The following PAMR1 variants were observed in gnomAD, a reference collection of about 807,000 sequenced individuals.
PAMR1 encodes the protein inactive serine protease PAMR1.
A neutral mutation model predicts 81.8 loss-of-function variants in PAMR1; 88 were observed. That is an observed-to-expected ratio of 1.08 (90% CI 0.91 to 1.28). PAMR1 has a LOEUF of 1.28. PAMR1 is among the 50% of genes most tolerant of loss of function. PAMR1 has a pLI of 0.00. For missense variants in PAMR1, 935 were observed against 919.7 expected, an observed-to-expected ratio of 1.02 and a Z score of -0.21; for synonymous variants, 336 against 345.3, an observed-to-expected ratio of 0.97 and a Z score of 0.30.
chr11:35,470,863 C>G (rs747563801), intron 4 of PAMR1, 45 bp from the exon 5 acceptor site: 1 of 1,381,804 alleles, frequency 7.2e-7, no homozygotes, highest in Non-Finnish European at 1.0e-6. Flanking sequence ...GGGCCCTGGA[C>G]AGTCCTGAGA....
intron 3 of PAMR1, among the ~76,000 whole-genome samples, chr11:35,490,513 A>G (rs1222406095): frequency 6.6e-6 from 1 of 152,240 alleles, no homozygotes; most frequent in Non-Finnish European, 1.5e-5. Flanking sequence ...TTTGTCAGGC[A>G]TGGTGGCATG....
intron 6 of PAMR1, among the ~76,000 whole-genome samples, chr11:35,449,119 C>T (rs562162395): frequency 5.9e-5 from 9 of 152,192 alleles, no homozygotes; most frequent in South Asian, 2.1e-4. Flanking sequence ...TCAGGAGGCA[C>T]GATCAGGGAC....
intron 7 of PAMR1, among the ~76,000 whole-genome samples, chr11:35,440,016 A>T (rs1426857137): frequency 6.6e-6 from 1 of 152,230 alleles, no homozygotes; most frequent in Non-Finnish European, 1.5e-5. Flanking sequence ...ACTTGATCAA[A>T]ATGGAATAAA....
chr11:35,486,490 T>A (rs374331471), intron 3 of PAMR1, among the ~76,000 whole-genome samples: 1 of 152,222 alleles, frequency 6.6e-6, no homozygotes, highest in Admixed American at 6.5e-5. Context: ...TTTGACTGGA[T>A]GGGTAGATTA....
At chr11:35,443,921 T>G (rs1246698907) in intron 6 of PAMR1, among the ~76,000 whole-genome samples, 1 of 152,250 alleles carries the variant, frequency 6.6e-6, no homozygotes, top group Non-Finnish European at 1.5e-5. Context: ...TAGTATCTCG[T>G]TGTGGTTATT....
At chr11:35,473,506 G>A (rs971363297) in intron 4 of PAMR1, among the ~76,000 whole-genome samples, 14 of 152,136 alleles carry the variant, frequency 9.2e-5, no homozygotes, top group African/African-American at 2.9e-4. Flanking sequence ...CTCAATGGGC[G>A]GAACAGTGTG....
chr11:35,432,686 G>A lies in PAMR1; in HGVS notation c.1833C>T (p.Gly611=). 6.2e-7 allele frequency: 1 copy of A among 1,613,514 alleles called. No individual in the cohort carries two copies. The highest frequency in any genetic ancestry group is 1.7e-4 in the Middle Eastern group (1 of 6,058). The part of the protein sequence containing the change: ...WNVLADVRSP[G]FKNDTLRSGV... ...CAGAGCGCAGTGTGTCGTTCTTGAAGCCAGGGCTCCTCACGTCTGCCAGGA... is the reference window on the plus strand; with the variant it reads ...CAGAGCGCAGTGTGTCGTTCTTGAAACCAGGGCTCCTCACGTCTGCCAGGA... Residue 611 remains glycine, a synonymous_variant, in exon 11 of 11, where the codon GGC becomes GGT. Coordinates refer to ENST00000619888, the MANE Select transcript of PAMR1 (RefSeq NM_001001991.3).
At chr11:35,516,120 C>A (rs185573631) in intron 1 of PAMR1, among the ~76,000 whole-genome samples, 1 of 152,240 alleles carries the variant, frequency 6.6e-6, no homozygotes, top group Non-Finnish European at 1.5e-5. Flanking sequence ...TGCAGTCAAC[C>A]TATGATATAG....
intron 1 of PAMR1, among the ~76,000 whole-genome samples, chr11:35,506,344 G>A (rs889642618): frequency 3.3e-5 from 5 of 151,440 alleles, no homozygotes; most frequent in Non-Finnish European, 7.4e-5. Context: ...AGTATTCTGG[G>A]GTTATCTGTG....
intron 1 of PAMR1, among the ~76,000 whole-genome samples, chr11:35,515,881 T>C (rs1208799698): frequency 6.6e-6 from 1 of 152,018 alleles, no homozygotes; most frequent in African/African-American, 2.4e-5. Context: ...ATGAATAGAA[T>C]GGGACTTTGG....
In PAMR1 at chr11:35,432,526, T is replaced by C. The variant is rs1855929283; in HGVS notation, c.1993A>G (p.Thr665Ala). Residue 665 changes from threonine to alanine, a missense_variant, in exon 11 of 11, where the codon ACA becomes GCA. Physicochemically the swap from Thr to Ala is moderately conservative, Grantham distance 58. Coordinates refer to ENST00000619888, the MANE Select transcript of PAMR1 (RefSeq NM_001001991.3). ...TAPSDICTAE[T>A]GGIAAVSFPG... ...AAGGACACAGCCGCGATGCCTCCTG[T>C]CTCTGCAGTGCAGATATCAGAAGGG... 1 of 1,614,138 alleles carries C rather than the reference T, an allele frequency of 6.2e-7. No individual in the cohort carries two copies. Among genetic ancestry groups the C allele is most frequent in the African/African-American group, 1.3e-5 (1 of 74,954 alleles).
At chr11:35,447,577 T>A (rs1166707743) in intron 6 of PAMR1, among the ~76,000 whole-genome samples, 1 of 152,202 alleles carries the variant, frequency 6.6e-6, no homozygotes, top group Non-Finnish European at 1.5e-5. Flanking sequence ...AGCACACCAA[T>A]GGGTCTTCAC....
intron 6 of PAMR1, among the ~76,000 whole-genome samples, chr11:35,450,129 C>CAAAAAAAAAAAAA (rs60887441): frequency 9.3e-5 from 4 of 43,030 alleles, no homozygotes; most frequent in Non-Finnish European, 1.5e-4. Flanking sequence ...TGCCTCCAGG[C>CAAAAAAAAAAAAA]AAAAAAAAAA....
chr11:35,517,577 T>TA (rs1247569361), intron 1 of PAMR1, among the ~76,000 whole-genome samples: 1 of 152,222 alleles, frequency 6.6e-6, no homozygotes, highest in Non-Finnish European at 1.5e-5. Context: ...TATTTCATTA[T>TA]AAAAAATGAA....
At chr11:35,522,566 G>A (rs906013755) in intron 1 of PAMR1, among the ~76,000 whole-genome samples, 3 of 152,132 alleles carry the variant, frequency 2.0e-5, no homozygotes, top group Non-Finnish European at 2.9e-5. Flanking sequence ...TTCCGTCGTA[G>A]GTGTATACTG....
intron 10 of PAMR1, 121 bp downstream of exon 10, chr11:35,434,391 C>T (rs1026483937): frequency 1.7e-5 from 15 of 903,458 alleles, no homozygotes; most frequent in African/African-American, 6.7e-5. Flanking sequence ...CTGCTATATG[C>T]GAGGCTCTGG....
intron 1 of PAMR1, among the ~76,000 whole-genome samples, chr11:35,511,577 C>T (rs1247805166): frequency 4.6e-5 from 7 of 152,182 alleles, no homozygotes; most frequent in Non-Finnish European, 1.0e-4. Flanking sequence ...ACCAAAAGCC[C>T]CACAGCTCTC....
intron 3 of PAMR1, 24 bp downstream of exon 3, chr11:35,492,015 AGAGATG>A: frequency 6.3e-7 from 1 of 1,592,012 alleles, no homozygotes; most frequent in Non-Finnish European, 8.6e-7. Context: ...AGTGTGCACT[AGAGATG>A]GAGCTAGGTC....
intron 4 of PAMR1, among the ~76,000 whole-genome samples, chr11:35,472,570 A>G (rs1429120382): frequency 6.6e-6 from 1 of 152,208 alleles, no homozygotes; most frequent in Non-Finnish European, 1.5e-5. Context: ...AAGAGCATAA[A>G]AAGTGACTAA....
Sources: gnomAD v4.1 joint callset for allele counts (sites outside exome capture counted in the v4.1 genomes callset) on GRCh38, gnomAD v4.1.1 for gene constraint, MANE v1.5 for transcripts, NCBI Gene and HGNC (gene_info 2026-07-23, HGNC 2026-07-21) for gene names.